The following SLC8A1 variants were observed in gnomAD, a reference collection of about 807,000 sequenced individuals.
SLC8A1 encodes solute carrier family 8 member A1, also known as sodium/calcium exchanger 1.
In SLC8A1, 18 loss-of-function variants were observed where a neutral mutation model predicts 68.3. The ratio of observed to expected loss-of-function variants is 0.26; its 90% confidence interval spans 0.18 to 0.39. The LOEUF is 0.39. Ranked by LOEUF, SLC8A1 falls within the 10% of genes least tolerant of loss-of-function variation. The probability of loss-of-function intolerance (pLI) is 1.00; values close to 1 mark genes in which losing one functional copy is unlikely to be tolerated. For missense variants in SLC8A1, 985 were observed against 1,156.7 expected (o/e 0.85, Z 2.15); for synonymous variants, 475 against 415.5 (o/e 1.14, Z -1.74).
At chr2:40,147,152 C>G (rs181066746) in intron 6 of SLC8A1, among the ~76,000 whole-genome samples, 21 of 152,272 alleles carry the variant, frequency 1.4e-4, no homozygotes, top group Admixed American at 6.5e-4. Flanking sequence ...CTAAGGAGTT[C>G]TAGCTCCATG....
At chr2:40,430,789 T>A (rs1698110279) in intron 1 of SLC8A1, among the ~76,000 whole-genome samples, 1 of 152,122 alleles carries the variant, frequency 6.6e-6, no homozygotes, top group Non-Finnish European at 1.5e-5. Context: ...TTATTACAAT[T>A]GATGCTTTGA....
At chr2:40,351,334 C>T (rs983078895) in intron 2 of SLC8A1, among the ~76,000 whole-genome samples, 1 of 152,104 alleles carries the variant, frequency 6.6e-6, no homozygotes, top group African/African-American at 2.4e-5. Context: ...CCACTCCTCA[C>T]CTACTTTCCC....
chr2:40,300,072 A>C (rs370501152), intron 2 of SLC8A1, among the ~76,000 whole-genome samples: 1 of 152,172 alleles, frequency 6.6e-6, no homozygotes, highest in South Asian at 2.1e-4. Flanking sequence ...TTATCCATAA[A>C]ATTCTGAAAC....
intron 2 of SLC8A1, among the ~76,000 whole-genome samples, chr2:40,264,308 T>C (rs1487900906): frequency 2.0e-5 from 3 of 152,086 alleles, no homozygotes; most frequent in Non-Finnish European, 4.4e-5. Context: ...CTCAGGGATC[T>C]AGAACTAGAA....
At position 40,174,699 on chromosome 2, in the gene SLC8A1, G is replaced by T. The variant is rs769173114; in HGVS notation, c.1930+126C>A. Reference sequence around the variant, plus strand: ...AAAATAAGGAACATTAAAAAAATAAGTCTTACCAAACAGGTATTTTCCTTC... The same window carrying T: ...AAAATAAGGAACATTAAAAAAATAATTCTTACCAAACAGGTATTTTCCTTC... On this transcript the variant is annotated intron_variant, in intron 4 of 7. Coordinates refer to ENST00000406785, the Ensembl canonical transcript of SLC8A1. 1 of 1,512,476 alleles carries T rather than the reference G, an allele frequency of 6.6e-7. No homozygotes were observed. Among genetic ancestry groups the T allele is most frequent in the Non-Finnish European group, 9.1e-7 (1 of 1,099,448 alleles). 93.7% of individuals were successfully genotyped at this position (1,512,476 alleles called of 1,614,324 possible).
intron 6 of SLC8A1, among the ~76,000 whole-genome samples, chr2:40,150,164 C>A (rs1381269185): frequency 1.3e-5 from 2 of 152,020 alleles, no homozygotes; most frequent in Non-Finnish European, 2.9e-5. Context: ...CAACACCCAG[C>A]CAGACCTGAC....
chr2:40,397,923 G>A (rs1173413665), intron 2 of SLC8A1, among the ~76,000 whole-genome samples: 1 of 152,162 alleles, frequency 6.6e-6, no homozygotes, highest in African/African-American at 2.4e-5. Flanking sequence ...GGTAGCTGCT[G>A]CCTTATGGAG....
intron 1 of SLC8A1, among the ~76,000 whole-genome samples, chr2:40,483,664 A>G (rs1704782029): frequency 6.6e-6 from 1 of 152,064 alleles, no homozygotes; most frequent in Non-Finnish European, 1.5e-5. Context: ...TGCCTGGTAA[A>G]TAAACAGAAG....
At chr2:40,345,210 A>C (rs917174908) in intron 2 of SLC8A1, among the ~76,000 whole-genome samples, 10 of 152,118 alleles carry the variant, frequency 6.6e-5, no homozygotes, top group African/African-American at 2.2e-4. Flanking sequence ...CTGTGGCCAC[A>C]ATCAAAGCAT....
intron 2 of SLC8A1, among the ~76,000 whole-genome samples, chr2:40,300,934 T>C (rs2071339563): frequency 1.3e-5 from 2 of 152,158 alleles, no homozygotes; most frequent in South Asian, 4.1e-4. Context: ...TACTTGATAT[T>C]TAGTAATAAT....
chr2:40,303,602 G>A (rs1018498525), intron 2 of SLC8A1, among the ~76,000 whole-genome samples: 3 of 152,168 alleles, frequency 2.0e-5, no homozygotes, highest in Non-Finnish European at 2.9e-5. Context: ...GCCAGGGGAA[G>A]AGAAAAACAC....
exon 8 of SLC8A1, chr2:40,112,417 C>A (rs2034651558): frequency 6.7e-6 from 1 of 150,306 alleles, no homozygotes; most frequent in Non-Finnish European, 1.5e-5. Flanking sequence ...CCTGAACAAC[C>A]AGAATCATAG....
intron 1 of SLC8A1, among the ~76,000 whole-genome samples, chr2:40,432,338 T>C (rs911859161): frequency 1.3e-5 from 2 of 150,380 alleles, no homozygotes; most frequent in African/African-American, 4.9e-5. Flanking sequence ...TATCAGAAGG[T>C]TAAAAACTCC....
intron 2 of SLC8A1, among the ~76,000 whole-genome samples, chr2:40,266,696 T>A (rs970981877): frequency 1.3e-5 from 2 of 152,136 alleles, no homozygotes; most frequent in African/African-American, 4.8e-5. Flanking sequence ...ACCTCATCCT[T>A]CTCCATGGAT....
chr2:40,392,168 G>A (rs536298581), intron 2 of SLC8A1, among the ~76,000 whole-genome samples: 19 of 146,474 alleles, frequency 1.3e-4, no homozygotes, highest in Non-Finnish European at 2.6e-4. Context: ...AAAAAAGAAA[G>A]GAAGAGAGGA....
intron 2 of SLC8A1, among the ~76,000 whole-genome samples, chr2:40,418,137 T>C (rs996186878): frequency 5.3e-5 from 8 of 152,182 alleles, no homozygotes; most frequent in Non-Finnish European, 8.8e-5. Context: ...ACTTAAATTA[T>C]CCAAACAAAT....
chr2:40,255,944 G>A (rs610776), intron 2 of SLC8A1, among the ~76,000 whole-genome samples: 2 of 145,474 alleles, frequency 1.4e-5, no homozygotes, highest in Non-Finnish European at 3.0e-5. Flanking sequence ...GTATTTAGAA[G>A]TGAATAACTG....
At chr2:40,481,024 T>C (rs1466439223) in intron 1 of SLC8A1, among the ~76,000 whole-genome samples, 2 of 152,144 alleles carry the variant, frequency 1.3e-5, no homozygotes, top group Non-Finnish European at 2.9e-5. Flanking sequence ...GAGAGGAGTA[T>C]ATTATTTGAC....
chr2:40,403,223 T>C (rs891041649), intron 2 of SLC8A1, among the ~76,000 whole-genome samples: 3 of 152,188 alleles, frequency 2.0e-5, no homozygotes, highest in Non-Finnish European at 4.4e-5. Flanking sequence ...AGCATGTCAA[T>C]TCACCTTATT....
Sources: allele counts gnomAD v4.1 joint callset (sites outside exome capture counted in the v4.1 genomes callset), GRCh38; gene constraint gnomAD v4.1.1; transcripts MANE v1.5; gene names NCBI Gene and HGNC (gene_info 2026-07-23, HGNC 2026-07-21).